MED16: variants seen among roughly 807,000 people sequenced by gnomAD.
MED16 encodes the protein mediator complex subunit 16, also known as mediator of RNA polymerase II transcription subunit 16.
MED16 carries 81 observed loss-of-function variants against 84.4 expected under a neutral mutation model. That is an observed-to-expected ratio of 0.96 (90% CI 0.80 to 1.15). MED16 has a LOEUF of 1.15. Ranked by LOEUF, MED16 falls within the 50% of genes most tolerant of loss-of-function variation. MED16 has a pLI of 0.00. For synonymous variants in MED16, 897 were observed against 552.2 expected (o/e 1.62, Z -8.76); for missense variants, 1,585 against 1,245.9 (o/e 1.27, Z -4.10).
At chr19:876,948 G>A (rs1413529305) in intron 9 of MED16, 26 bp downstream of exon 9, 1 of 1,588,912 alleles carries the variant, frequency 6.3e-7, no homozygotes, top group Non-Finnish European at 8.6e-7. Flanking sequence ...ACCTGCCACG[G>A]GGCCCCACCT....
chr19:868,960 G>A lies in MED16; in HGVS notation c.2316-14C>T, dbSNP rs545302001. ...TGGCCTGGGGCCCTGGCGGGAGAGG[G>A]GAGAACGTGAGGGAGGCCTGGGCAC... On this transcript the variant is annotated splice_polypyrimidine_tract_variant and intron_variant, in intron 13 of 15. Transcript: ENST00000325464. The A allele has an allele frequency of 5.2e-6, 8 of 1,532,414 alleles. No homozygotes were observed. The East Asian group carries it at 1.7e-4, about 32-fold the overall frequency. 94.9% of individuals were successfully genotyped at this position (1,532,414 alleles called of 1,614,324 possible). A position where few individuals can be genotyped will look rare whatever the true frequency, so the allele number is the denominator to read the frequency against.
At chr19:872,801 GA>G (rs1416296438) in intron 11 of MED16, 18 of 234,184 alleles carry the variant, frequency 7.7e-5, no homozygotes, top group Admixed American at 3.0e-4. Flanking sequence ...AGCAGCAGCA[GA>G]AGCAAGGCGA....
At chr19:891,847 TGA>T (rs1291506456) in intron 1 of MED16, among the ~76,000 whole-genome samples, 2 of 73,558 alleles carry the variant, frequency 2.7e-5, no homozygotes, top group African/African-American at 5.7e-5. Context: ...GAGGCGGGGC[TGA>T]GTGTGACGGG....
At chr19:872,809 G>T in intron 11 of MED16, 2 of 283,642 alleles carry the variant, frequency 7.1e-6, no homozygotes, top group Non-Finnish European at 1.1e-5. Context: ...CAGAAGCAAG[G>T]CGAACCGGCC....
chr19:891,051 G>A lies in MED16; in HGVS notation c.81C>T (p.Ser27=). The change falls in exon 2 of 16, where the codon AGC becomes AGT. Residue 27 remains serine (S), a synonymous_variant. Transcript: ENST00000325464. ...CCAGGGGCACCGATGGGCAGTGGGT[G>A]CTCTTGGACCATTTCTCCCACTCAC... ...YVCEWEKWSK[S]THCPSVPLAC... is the part of the protein sequence containing the mutation. 1 of 1,614,102 alleles carries A rather than the reference G, an allele frequency of 6.2e-7. No individual in the cohort carries two copies. Among genetic ancestry groups the A allele is most frequent in the Non-Finnish European group, 8.5e-7 (1 of 1,180,018 alleles).
At chr19:884,867 C>A in intron 6 of MED16, 36 bp downstream of exon 6, 1 of 1,540,648 alleles carries the variant, frequency 6.5e-7, no homozygotes. Context: ...CCCCCGAGGG[C>A]AGGCCCAGGG....
At position 876,970 on chromosome 19, in the gene MED16, C is replaced by G. The variant is rs2036258551; in HGVS notation, c.1560+4G>C. On this transcript the variant is annotated splice_donor_region_variant and intron_variant, in intron 9 of 15. Transcript: ENST00000325464. ...ACGGGGCCCCACCTGCCACGGGCCC[C>G]CACCTGCTGCAGGGCAGCGGTCTGG... 1 of 1,609,054 alleles carries G rather than the reference C, an allele frequency of 6.2e-7. No individual in the cohort carries two copies. The highest frequency in any genetic ancestry group is 8.5e-7 in the Non-Finnish European group (1 of 1,178,104).
At chr19:873,409 C>A in intron 11 of MED16, 40 bp downstream of exon 11, 3 of 1,582,778 alleles carry the variant, frequency 1.9e-6, no homozygotes, top group South Asian at 1.1e-5. Context: ...AGATGGGGGC[C>A]CAGGTGGGGG....
intron 8 of MED16, among the ~76,000 whole-genome samples, chr19:878,917 G>A (rs866433790): frequency 0.02 from 28 of 1,392 alleles, no homozygotes; most frequent in East Asian, 0.12. Flanking sequence ...ATGTCCACCA[G>A]CCCCGGCCCC....
chr19:884,928 G>A lies in MED16; in HGVS notation c.960C>T (p.Asn320=), dbSNP rs764431530. ...CCACGGGGGAGATCTGCTGGAAGATGTTGTTCACGGGGAGTCCCTCCTTGC... is the reference window on the plus strand; with the variant it reads ...CCACGGGGGAGATCTGCTGGAAGATATTGTTCACGGGGAGTCCCTCCTTGC... ...SLRKEGLPVN[N]IFQQISPVVG... The change falls in exon 6 of 16, where the codon AAC becomes AAT. Residue 320 remains asparagine, a synonymous_variant. Transcript: ENST00000325464. 15 of 1,609,458 alleles carry A rather than the reference G, an allele frequency of 9.3e-6. No homozygotes were observed. In the East Asian group the frequency reaches 1.1e-4, roughly 12 times the overall value.
At chr19:868,756 T>TC in intron 14 of MED16, 107 bp downstream of exon 14, 6 of 1,263,526 alleles carry the variant, frequency 4.7e-6, no homozygotes, top group Non-Finnish European at 6.5e-6. Flanking sequence ...TGGGACGTGC[T>TC]CCCTCCACCA....
At chr19:879,342 C>T (rs1357182073) in intron 8 of MED16, among the ~76,000 whole-genome samples, 2 of 152,028 alleles carry the variant, frequency 1.3e-5, no homozygotes, top group Non-Finnish European at 1.5e-5. Context: ...CCCAGCAGCT[C>T]ACCTTCCCCT....
chr19:884,282 C>T (rs951754221), intron 6 of MED16, among the ~76,000 whole-genome samples: 6 of 152,196 alleles, frequency 3.9e-5, no homozygotes, highest in African/African-American at 1.2e-4. Context: ...TCATAGCAGG[C>T]GGGCGTCCCT....
At chr19:874,993 T>C (rs912270421) in intron 10 of MED16, among the ~76,000 whole-genome samples, 2 of 147,816 alleles carry the variant, frequency 1.4e-5, no homozygotes, top group Non-Finnish European at 3.0e-5. Context: ...TGAAACCCCG[T>C]CTCTACTAAA....
intron 8 of MED16, among the ~76,000 whole-genome samples, chr19:877,585 G>C (rs1328541413): frequency 6.6e-6 from 1 of 152,124 alleles, no homozygotes. Flanking sequence ...GCAGGGGCTG[G>C]CGAGGGGCTT....
chr19:869,075 T>A, intron 13 of MED16, 129 bp from the exon 14 acceptor site: 2 of 810,444 alleles, frequency 2.5e-6, no homozygotes, highest in East Asian at 2.9e-5. Flanking sequence ...TGGGCCCAGA[T>A]GTCTGTGAAC....
Position 889,628 on chromosome 19 carries a change from G to A in MED16, c.447+10C>T, listed in dbSNP as rs1465578653. The stretch of plus-strand genomic sequence containing the variant: ...TCTGCCTCATCCGCTCACTCGGGCA[G>A]GACACTCACCTTCTCCACGTGCAGG... On this transcript the variant is annotated intron_variant, in intron 4 of 15. Coordinates refer to ENST00000325464, the MANE Select transcript of MED16 (RefSeq NM_005481.3). 5.6e-6 allele frequency: 9 copies of A among 1,604,416 alleles called. No homozygotes were observed. Among genetic ancestry groups the A allele is most frequent in the Non-Finnish European group, 2.6e-6 (3 of 1,172,600 alleles).
At chr19:891,435 C>T (rs1408607808) in intron 1 of MED16, among the ~76,000 whole-genome samples, 1 of 152,188 alleles carries the variant, frequency 6.6e-6, no homozygotes, top group African/African-American at 2.4e-5. Context: ...GGGAACAGAC[C>T]ATGGGGGCCA....
rs117226930 is a variant in MED16, at chr19:869,287, G to A, written c.2316-341C>T. 3.9e-5 allele frequency among the ~76,000 whole-genome samples: 6 copies of A among 152,120 alleles called. No homozygotes were observed. The South Asian group carries it at 6.2e-4, about 16-fold the overall frequency. On this transcript the variant is annotated intron_variant, in intron 13 of 15. Transcript: ENST00000325464. The stretch of plus-strand genomic sequence containing the variant: ...GAGGTGCAGGGAAGGTGCTTGTGAC[G>A]CTCCCATTTGAGGCTGGACAGAAGC...
Sources: allele counts gnomAD v4.1 joint callset (sites outside exome capture counted in the v4.1 genomes callset), GRCh38; gene constraint gnomAD v4.1.1; transcripts MANE v1.5; gene names NCBI Gene and HGNC (gene_info 2026-07-23, HGNC 2026-07-21).